NRP2: variants seen among roughly 807,000 people sequenced by gnomAD.
The protein encoded by NRP2 is neuropilin-2.
A neutral mutation model predicts 110.4 loss-of-function variants in NRP2; 52 were observed. The observed-to-expected ratio is 0.47, with a 90% confidence interval of 0.38 to 0.59. NRP2 has a LOEUF of 0.59. NRP2 is among the 20% of genes least tolerant of loss of function. The pLI is 0.00. For missense variants in NRP2, 1,049 were observed against 1,203.0 expected (o/e 0.87, Z 1.89); for synonymous variants, 508 against 468.9 (o/e 1.08, Z -1.08).
intron 7 of NRP2, among the ~76,000 whole-genome samples, chr2:205,738,599 T>C (rs2057387109): frequency 6.6e-6 from 1 of 152,192 alleles, no homozygotes; most frequent in African/African-American, 2.4e-5. Context: ...TTCCTTCCCT[T>C]TGCTTGGCTT....
intron 3 of NRP2, among the ~76,000 whole-genome samples, chr2:205,721,431 G>T (rs1385043017): frequency 6.6e-6 from 1 of 152,192 alleles, no homozygotes. Flanking sequence ...GAATGTGCAT[G>T]AGCTCGTGCT....
chr2:205,698,867 G>C (rs1330863268), intron 2 of NRP2, among the ~76,000 whole-genome samples: 1 of 152,358 alleles, frequency 6.6e-6, no homozygotes, highest in South Asian at 2.1e-4. Context: ...GGGGCCAGCT[G>C]GCAGGACAGG....
rs188832452 is a variant in NRP2 at position 205,725,005 on chromosome 2, A to C, written c.821-908A>C. 5.9e-5 allele frequency among the ~76,000 whole-genome samples: 9 copies of C among 152,330 alleles called. No homozygotes were observed. The East Asian group carries it at 1.7e-3, about 29-fold the overall frequency. ...AAGACTGAAGAAGCACTTTTAAGAAAGATTCAAGCTGTGGAAATCCTACCC... is the reference window on the plus strand; with the variant it reads ...AAGACTGAAGAAGCACTTTTAAGAACGATTCAAGCTGTGGAAATCCTACCC... On this transcript the variant is annotated intron_variant, in intron 5 of 16. Transcript: ENST00000357785. This position sits in a 1 kb window ranked among gnomAD's most constrained non-coding sequence, Gnocchi z 4.1.
chr2:205,776,860 CT>C (rs2058109010), intron 15 of NRP2: 1 of 1,246,956 alleles, frequency 8.0e-7, no homozygotes, highest in African/African-American at 1.5e-5. Context: ...GTTTTTTCCC[CT>C]TGCCTTATCC....
At chr2:205,784,439 T>C (rs1049917696) in intron 15 of NRP2, among the ~76,000 whole-genome samples, 3 of 152,214 alleles carry the variant, frequency 2.0e-5, no homozygotes, top group Admixed American at 6.5e-5. Flanking sequence ...ATGGCTTCTC[T>C]AGGGCAGCCC....
chr2:205,767,059 C>T (rs2057935084), intron 15 of NRP2: 1 of 559,108 alleles, frequency 1.8e-6, no homozygotes, highest in African/African-American at 1.9e-5. Flanking sequence ...ACAGATAAAC[C>T]TTTCAGCCTT....
rs1235458216 is a variant in NRP2, at chr2:205,795,210, C to T, written c.*152C>T. 9 of 848,510 alleles carry T rather than the reference C, an allele frequency of 1.1e-5. No individual in the cohort carries two copies. In the African/African-American group the frequency reaches 1.5e-4, roughly 14 times the overall value. The allele number at this position is 848,510 out of a possible 1,614,324, so 52.6% of individuals were successfully genotyped here. A position where few individuals can be genotyped will look rare whatever the true frequency, so the allele number is the denominator to read the frequency against. On this transcript the variant is annotated 3_prime_UTR_variant, in exon 17 of 17. Transcript: ENST00000357785. ...ATGGACAGGACAGAAAAGCGAGTCG[C>T]AGGAGGAAGGGAGATGCAGCCGCAC...
rs541611122 is a variant in NRP2 at position 205,772,565 on chromosome 2, A to G, written c.2425+5762A>G. Among the ~76,000 whole-genome samples, 6 of 152,344 alleles carry G rather than the reference A, an allele frequency of 3.9e-5. No individual in the cohort carries two copies. The East Asian group carries it at 1.2e-3, about 29-fold the overall frequency. On this transcript the variant is annotated intron_variant, in intron 15 of 16. Coordinates refer to ENST00000357785, the MANE Select transcript of NRP2 (RefSeq NM_003872.3). ...ACTTTGTAGAGAATCTGGGGTGGGA[A>G]TTAATGAAAAATAGTTCAGGAATTG...
intron 2 of NRP2, among the ~76,000 whole-genome samples, chr2:205,700,481 C>T (rs994253797): frequency 1.3e-5 from 2 of 152,198 alleles, no homozygotes; most frequent in Admixed American, 1.3e-4. Context: ...CACCCAACCT[C>T]GTGTTTGCCC....
chr2:205,772,924 C>G (rs1346915270), intron 15 of NRP2, among the ~76,000 whole-genome samples: 6 of 152,330 alleles, frequency 3.9e-5, no homozygotes, highest in Non-Finnish European at 8.8e-5. Context: ...AATAACTCTC[C>G]AGGGAAGTAC....
intron 1 of NRP2, among the ~76,000 whole-genome samples, chr2:205,692,828 T>C (rs2056341367): frequency 6.6e-6 from 1 of 152,156 alleles, no homozygotes; most frequent in Non-Finnish European, 1.5e-5. Context: ...GGTTATAAGA[T>C]CTATTCCCCA....
rs2056806919 is a variant in NRP2 at position 205,711,935 on chromosome 2, A to G, written c.252-4258A>G. 3.9e-5 allele frequency among the ~76,000 whole-genome samples: 6 copies of G among 152,210 alleles called. No individual in the cohort carries two copies. In the South Asian group the frequency reaches 1.2e-3, roughly 32 times the overall value. ...GTCAAGCGTGGAGACAGTTATGGAAACTAGAAAGCCCTTTTTCATGTTTGC... is the reference window on the plus strand; with the variant it reads ...GTCAAGCGTGGAGACAGTTATGGAAGCTAGAAAGCCCTTTTTCATGTTTGC... On this transcript the variant is annotated intron_variant, in intron 2 of 16. Transcript: ENST00000357785.
chr2:205,781,655 G>A (rs977473939), intron 15 of NRP2, among the ~76,000 whole-genome samples: 1 of 152,168 alleles, frequency 6.6e-6, no homozygotes, highest in African/African-American at 2.4e-5. Context: ...GTAGGTGAAG[G>A]CTTGTTTTTT....
chr2:205,768,445 A>G (rs2057963961), intron 15 of NRP2: 1 of 152,248 alleles, frequency 6.6e-6, no homozygotes, highest in Non-Finnish European at 1.5e-5. Flanking sequence ...ACGTGCCAGC[A>G]GCTGCTGCAG....
intron 2 of NRP2, among the ~76,000 whole-genome samples, chr2:205,698,406 C>A (rs2056482429): frequency 6.6e-6 from 1 of 152,112 alleles, no homozygotes; most frequent in African/African-American, 2.4e-5. Context: ...TTATGATCTC[C>A]ATTTTGCAAA....
At position 205,683,360 on chromosome 2, in the gene NRP2, C is replaced by T. The variant is rs764371530; in HGVS notation, c.70C>T (p.Pro24Ser). The T allele has an allele frequency of 6.2e-6, 10 of 1,611,348 alleles. No individual in the cohort carries two copies. The East Asian group carries it at 2.2e-4, about 36-fold the overall frequency. Reference protein sequence around the residue: ...YFSRHQVRGQPDPPCGGRLNS... With the variant: ...YFSRHQVRGQSDPPCGGRLNS... ...TTCAAGACACCAAGTGAGAGGCCAACCAGGTAAGCCACTGAAAGTTTTTCT... is the reference window on the plus strand; with the variant it reads ...TTCAAGACACCAAGTGAGAGGCCAATCAGGTAAGCCACTGAAAGTTTTTCT... The change falls in exon 1 of 17, where the codon CCA (proline) becomes TCA (serine). Residue 24 changes from proline (P) to serine (S), a missense_variant. By Grantham distance (74) the Pro-to-Ser change is moderately conservative (BLOSUM62 -1). Transcript: ENST00000357785.
At chr2:205,739,681 A>AT (rs2057405421) in intron 7 of NRP2, among the ~76,000 whole-genome samples, 1 of 121,214 alleles carries the variant, frequency 8.2e-6, no homozygotes, top group African/African-American at 2.9e-5. Flanking sequence ...TGCTCTAGTT[A>AT]CTTTTTTTTT....
chr2:205,706,370 G>A (rs1327129132), intron 2 of NRP2, among the ~76,000 whole-genome samples: 5 of 152,150 alleles, frequency 3.3e-5, no homozygotes. Flanking sequence ...GAAAGGAAAG[G>A]AATAAATAAT....
At chr2:205,736,204 T>G (rs1311369139) in intron 7 of NRP2, among the ~76,000 whole-genome samples, 1 of 152,014 alleles carries the variant, frequency 6.6e-6, no homozygotes, top group Non-Finnish European at 1.5e-5. Context: ...TAGCCAGGCT[T>G]GGTGGCGCAT....
Sources: allele counts gnomAD v4.1 joint callset (sites outside exome capture counted in the v4.1 genomes callset), GRCh38; gene constraint gnomAD v4.1.1; non-coding constraint Gnocchi (gnomAD v3.1); transcripts MANE v1.5; gene names NCBI Gene and HGNC (gene_info 2026-07-23, HGNC 2026-07-21).